RUNX1T1: variants seen among roughly 807,000 people sequenced by gnomAD.
The protein encoded by RUNX1T1 is RUNX1 partner transcriptional co-repressor 1, also known as protein CBFA2T1.
RUNX1T1 carries 4 observed loss-of-function variants against 62.8 expected under a neutral mutation model. The observed-to-expected ratio is 0.06, with a 90% CI of 0.03 to 0.15. The LOEUF is 0.15. Among genes scored for constraint, RUNX1T1 ranks in the 10% least tolerant of loss-of-function variants. The probability of loss-of-function intolerance (pLI) is 1.00; values close to 1 mark genes in which losing one functional copy is unlikely to be tolerated. For missense variants in RUNX1T1, 508 were observed against 754.3 expected (o/e 0.67, Z 3.82); for synonymous variants, 291 against 286.0 (o/e 1.02, Z -0.18).
chr8:92,095,536 A>G lies in RUNX1T1; in HGVS notation c.-86+4044T>C, dbSNP rs142369081. The G allele has an allele frequency of 2.8e-3, 4,167 of 1,485,802 alleles. 77 individuals carry two copies. In the African/African-American group the frequency reaches 0.031, roughly 11 times the overall value. The allele number at this position is 1,485,802 out of a possible 1,614,324, so 92.0% of individuals were successfully genotyped here. A position where few individuals can be genotyped will look rare whatever the true frequency, so the allele number is the denominator to read the frequency against. ...GCCAACGTGCATCAGGGTGATTACA[A>G]TATCAGCAGGGCCCAGATGGAGGCA... is the stretch of plus-strand genomic sequence containing the variant. On this transcript the variant is annotated intron_variant, in intron 1 of 11. Transcript: ENST00000265814.
intron 1 of RUNX1T1, among the ~76,000 whole-genome samples, chr8:92,079,201 A>C (rs73308113): frequency 0.013 from 2,016 of 152,344 alleles, 30 homozygotes; most frequent in African/African-American, 0.046. Context: ...CCTGGGTTGA[A>C]TCAAACCTTA....
chr8:92,092,285 T>C (rs528499797), intron 1 of RUNX1T1, among the ~76,000 whole-genome samples: 1 of 152,318 alleles, frequency 6.6e-6, no homozygotes, highest in Non-Finnish European at 1.5e-5. Context: ...ATTAGATAAT[T>C]TTAAAAGAAC....
At chr8:92,007,415 C>T (rs920878076) in intron 4 of RUNX1T1, among the ~76,000 whole-genome samples, 2 of 151,558 alleles carry the variant, frequency 1.3e-5, no homozygotes, top group African/African-American at 2.4e-5. Context: ...TGCAGTGAGC[C>T]GAGATTATAC....
chr8:92,086,286 A>G (rs1836100926), intron 1 of RUNX1T1, among the ~76,000 whole-genome samples: 1 of 152,216 alleles, frequency 6.6e-6, no homozygotes, highest in Non-Finnish European at 1.5e-5. Context: ...AAATTATTTT[A>G]CAAACAAAGT....
chr8:91,987,078 C>T (rs1816727780), intron 6 of RUNX1T1, 106 bp from the exon 8 acceptor site: 8 of 759,808 alleles, frequency 1.1e-5, no homozygotes, highest in South Asian at 8.7e-5. Context: ...TGTAAAAATA[C>T]GTTTGATTTT....
intron 1 of RUNX1T1, among the ~76,000 whole-genome samples, chr8:92,052,344 AC>A (rs1257598476): frequency 1.1e-4 from 16 of 152,192 alleles, no homozygotes; most frequent in African/African-American, 3.9e-4. Context: ...GTCGAAAAGC[AC>A]CCTCCCTTGA....
chr8:92,082,944 G>A (rs1338720404), intron 1 of RUNX1T1, among the ~76,000 whole-genome samples: 1 of 152,090 alleles, frequency 6.6e-6, no homozygotes, highest in African/African-American at 2.4e-5. Flanking sequence ...GGCAACTAAG[G>A]GACAACTGGA....
At chr8:92,078,201 TA>T (rs753291234) in intron 1 of RUNX1T1, among the ~76,000 whole-genome samples, 510 of 134,646 alleles carry the variant, frequency 3.8e-3, no homozygotes, top group Middle Eastern at 0.015. Context: ...AAAGGGTAAC[TA>T]AAAAAAAAAA....
intron 9 of RUNX1T1, among the ~76,000 whole-genome samples, chr8:91,974,953 A>C (rs1242384004): frequency 6.6e-6 from 1 of 152,196 alleles, no homozygotes; most frequent in East Asian, 1.9e-4. Context: ...GTGAAATCCC[A>C]AAGAGAAATC....
At chr8:92,060,302 T>C (rs1831706828) in intron 1 of RUNX1T1, among the ~76,000 whole-genome samples, 3 of 151,816 alleles carry the variant, frequency 2.0e-5, no homozygotes, top group Admixed American at 2.0e-4. Flanking sequence ...GCTAGCAACA[T>C]CTTTAAAAAC....
intron 1 of RUNX1T1, chr8:92,095,219 T>G (rs1472071914): frequency 6.5e-7 from 1 of 1,533,698 alleles, no homozygotes; most frequent in South Asian, 1.2e-5. Context: ...TCTCCTGGTC[T>G]TATCGACTTC....
At chr8:92,017,236 T>G in exon 2 of RUNX1T1, 1 of 1,609,930 alleles carries the variant, frequency 6.2e-7, no homozygotes, top group Non-Finnish European at 8.5e-7. Flanking sequence ...ACGTTGTCGG[T>G]GTAAATGAAC....
chr8:91,971,722 A>C (rs1210999712), intron 9 of RUNX1T1, among the ~76,000 whole-genome samples: 1 of 152,164 alleles, frequency 6.6e-6, no homozygotes, highest in Non-Finnish European at 1.5e-5. Context: ...CTGTTGCACT[A>C]GACAAATATA....
intron 9 of RUNX1T1, 157 bp from the exon 11 acceptor site, chr8:91,971,005 G>C: frequency 3.9e-6 from 2 of 515,798 alleles, no homozygotes; most frequent in Non-Finnish European, 6.5e-6. Flanking sequence ...TCCCCTAGCA[G>C]CTGGAATTAC....
chr8:91,961,281 T>C (rs1810395351), intron 10 of RUNX1T1, among the ~76,000 whole-genome samples: 1 of 152,238 alleles, frequency 6.6e-6, no homozygotes, highest in Non-Finnish European at 1.5e-5. Context: ...ACGCCTTATT[T>C]GGCTTTGAGA....
chr8:91,986,421 G>T, intron 7 of RUNX1T1, 96 bp from the exon 9 acceptor site: 1 of 952,236 alleles, frequency 1.1e-6, no homozygotes. Context: ...GACAATGAAG[G>T]AAGCAATTTT....
At chr8:91,957,895 G>A (rs1320222087), downstream of RUNX1T1, 1 of 221,626 alleles carries the variant, frequency 4.5e-6, no homozygotes, top group Admixed American at 5.8e-5. Context: ...TTGCTCATCA[G>A]AACTTTCTAA....
intron 1 of RUNX1T1, among the ~76,000 whole-genome samples, chr8:92,021,975 C>T (rs1376458025): frequency 6.6e-6 from 1 of 151,048 alleles, no homozygotes; most frequent in East Asian, 1.9e-4. Context: ...TTCAGCTTCC[C>T]TCAACTGCCC....
At chr8:92,103,015 C>A, upstream of RUNX1T1, 1 of 899,354 alleles carries the variant, frequency 1.1e-6, no homozygotes, top group Non-Finnish European at 1.5e-6. Flanking sequence ...CACGCGCGCT[C>A]GCCACGAGAC....
Sources: gnomAD v4.1 joint callset for allele counts (sites outside exome capture counted in the v4.1 genomes callset) on GRCh38, gnomAD v4.1.1 for gene constraint, MANE v1.5 for transcripts, NCBI Gene and HGNC (gene_info 2026-07-23, HGNC 2026-07-21) for gene names.